Variants in GRIA2 observed in about 807,000 individuals in gnomAD.
GRIA2 encodes glutamate ionotropic receptor AMPA type subunit 2.
GRIA2 carries 14 observed loss-of-function variants against 97.3 expected under a neutral mutation model. The observed-to-expected ratio is 0.14, with a 90% CI of 0.10 to 0.23. The LOEUF (loss-of-function observed/expected upper bound fraction) is 0.23. Among genes scored for constraint, GRIA2 ranks in the 10% least tolerant of loss-of-function variants. The pLI, the probability that GRIA2 is intolerant of heterozygous loss-of-function variation, is 1.00. For missense variants in GRIA2, 558 were observed against 1,069.8 expected, an observed-to-expected ratio of 0.52 and a Z score of 6.67; for synonymous variants, 412 against 387.8, an observed-to-expected ratio of 1.06 and a Z score of -0.73.
At chr4:157,261,993 A>G (rs1191241208) in intron 2 of GRIA2, among the ~76,000 whole-genome samples, 1 of 152,032 alleles carries the variant, frequency 6.6e-6, no homozygotes, top group African/African-American at 2.4e-5. Context: ...GTTTTGATGA[A>G]TTGAAACCCC....
At chr4:157,336,277 T>A in intron 10 of GRIA2, 100 bp from the exon 11 acceptor site, 1 of 978,770 alleles carries the variant, frequency 1.0e-6, no homozygotes, top group Non-Finnish European at 1.5e-6. Context: ...ATTGTCATTT[T>A]TCTGATTTCC....
At chr4:157,239,398 T>C (rs938371563) in intron 2 of GRIA2, among the ~76,000 whole-genome samples, 10 of 152,048 alleles carry the variant, frequency 6.6e-5, no homozygotes, top group African/African-American at 2.2e-4. Context: ...TTCCCTCTGA[T>C]ATATCTGCAA....
chr4:157,248,891 G>A (rs1234045708), intron 2 of GRIA2, among the ~76,000 whole-genome samples: 3 of 151,000 alleles, frequency 2.0e-5, no homozygotes, highest in Admixed American at 2.0e-4. Context: ...AGACTGGAGT[G>A]CAGTGGGATG....
intron 2 of GRIA2, among the ~76,000 whole-genome samples, chr4:157,276,523 A>T (rs1732321383): frequency 6.6e-6 from 1 of 151,966 alleles, no homozygotes; most frequent in South Asian, 2.1e-4. Flanking sequence ...AAATAATAAT[A>T]AAAAATGGAG....
intron 2 of GRIA2, among the ~76,000 whole-genome samples, chr4:157,248,031 T>C (rs1466906914): frequency 1.3e-5 from 2 of 152,014 alleles, no homozygotes; most frequent in Non-Finnish European, 2.9e-5. Context: ...CCTTAACGTT[T>C]TGTACTCTGG....
intron 8 of GRIA2, 71 bp downstream of exon 8, chr4:157,333,424 C>G (rs560413752): frequency 1.5e-6 from 1 of 677,492 alleles, no homozygotes; most frequent in Admixed American, 2.9e-5. Flanking sequence ...GTTCACCCTT[C>G]CAGAGAATTC....
chr4:157,239,785 A>G (rs193153786), intron 2 of GRIA2, among the ~76,000 whole-genome samples: 3 of 152,142 alleles, frequency 2.0e-5, no homozygotes, highest in East Asian at 3.9e-4. Context: ...CTATTATTCA[A>G]TGCAGAGCCA....
At chr4:157,274,481 A>G (rs996659008) in intron 2 of GRIA2, among the ~76,000 whole-genome samples, 1 of 151,456 alleles carries the variant, frequency 6.6e-6, no homozygotes, top group Non-Finnish European at 1.5e-5. Context: ...CTTGTCATTT[A>G]GCATTAGGTG....
chr4:157,306,646 C>T (rs1440690399), intron 3 of GRIA2, among the ~76,000 whole-genome samples: 1 of 152,062 alleles, frequency 6.6e-6, no homozygotes, highest in African/African-American at 2.4e-5. Flanking sequence ...ATATGTAAGA[C>T]TCTCATAATA....
chr4:157,339,926 C>T (rs2126948568), intron 11 of GRIA2, among the ~76,000 whole-genome samples: 1 of 151,908 alleles, frequency 6.6e-6, no homozygotes, highest in African/African-American at 2.4e-5. Flanking sequence ...TCCATCCTTT[C>T]ATATTTATTT....
chr4:157,225,985 T>A (rs890661375), intron 2 of GRIA2, among the ~76,000 whole-genome samples: 2 of 151,998 alleles, frequency 1.3e-5, no homozygotes, highest in African/African-American at 4.8e-5. Context: ...AAAATAAAAC[T>A]GTGTAAAAGG....
intron 12 of GRIA2, chr4:157,342,570 A>C (rs1402889742): frequency 5.5e-5 from 20 of 362,906 alleles, no homozygotes; most frequent in Non-Finnish European, 6.5e-5. Flanking sequence ...ATTTCTTACT[A>C]ATGAAAATGT....
At chr4:157,236,140 C>G (rs1020046038) in intron 2 of GRIA2, among the ~76,000 whole-genome samples, 7 of 151,904 alleles carry the variant, frequency 4.6e-5, no homozygotes, top group Non-Finnish European at 7.4e-5. Context: ...CTTACAATAG[C>G]ATTTTGGTAC....
At chr4:157,341,782 A>G (rs1735561141) in intron 12 of GRIA2, among the ~76,000 whole-genome samples, 2 of 152,148 alleles carry the variant, frequency 1.3e-5, no homozygotes, top group Non-Finnish European at 2.9e-5. Flanking sequence ...TCAGCAAAAC[A>G]TCTTATTTTT....
intron 2 of GRIA2, among the ~76,000 whole-genome samples, chr4:157,248,983 G>C (rs899759489): frequency 6.6e-6 from 1 of 151,556 alleles, no homozygotes; most frequent in African/African-American, 2.4e-5. Flanking sequence ...GCCTATAGGC[G>C]TGCAACACCA....
intron 2 of GRIA2, among the ~76,000 whole-genome samples, chr4:157,281,083 C>T (rs79865981): frequency 0.019 from 2,963 of 151,998 alleles, 33 homozygotes; most frequent in Middle Eastern, 0.075. Context: ...TTCCATGCTC[C>T]CCTGTGTACA....
Position 157,361,254 on chromosome 4 carries a change from G to C in GRIA2, c.2406+130G>C. The C allele has an allele frequency of 1.4e-6, 1 of 692,458 alleles. No individual in the cohort carries two copies. Among genetic ancestry groups the C allele is most frequent in the Non-Finnish European group, 2.5e-6 (1 of 404,200 alleles). The allele number at this position is 692,458 out of a possible 1,614,324, so 42.9% of individuals were successfully genotyped here. On this transcript the variant is annotated intron_variant, in intron 14 of 15. Coordinates refer to ENST00000264426, the MANE Select transcript of GRIA2 (RefSeq NM_001083619.3). The surrounding 1 kb of genome is among the most constrained non-coding windows in gnomAD (Gnocchi z 5.2). ...CTGAAGAGTGCAATTGGATGACCAG[G>C]ACACTTGACTTCTTCTTTCTTTCTT...
chr4:157,359,974 G>T lies in GRIA2; in HGVS notation c.2122G>T (p.Ala708Ser), dbSNP rs780109207. ...AEPSVFVRTT[A>S]EGVARVRKSK... Reference sequence around the variant, plus strand: ...GCCCTCTGTGTTTGTGAGGACTACGGCCGAAGGGGTGGCTAGAGTGCGGAA... The same window carrying T: ...GCCCTCTGTGTTTGTGAGGACTACGTCCGAAGGGGTGGCTAGAGTGCGGAA... The change falls in exon 13 of 16, where the codon GCC becomes TCC. Residue 708 changes from alanine to serine, a missense_variant. Ala to Ser is a moderately conservative substitution (Grantham distance 99). This residue lies in a region of GRIA2 where 125 missense variants were observed against 310.2 expected (regional missense o/e 0.40). Coordinates refer to ENST00000264426, the MANE Select transcript of GRIA2 (RefSeq NM_001083619.3). 7 of 1,613,882 alleles carry T rather than the reference G, an allele frequency of 4.3e-6. No homozygotes were observed. Among genetic ancestry groups the T allele is most frequent in the Non-Finnish European group, 8.5e-7 (1 of 1,179,890 alleles).
upstream of GRIA2, chr4:157,220,340 C>T (rs1178444431): frequency 1.3e-5 from 2 of 152,218 alleles, no homozygotes; most frequent in Non-Finnish European, 2.9e-5. Context: ...GGAGCATCTC[C>T]GCAGCAGCTG....
Sources: gnomAD v4.1 joint callset for allele counts (sites outside exome capture counted in the v4.1 genomes callset) on GRCh38, gnomAD v4.1.1 for gene constraint, gnomAD v4.1.1 regional missense constraint, Gnocchi (gnomAD v3.1) non-coding constraint, MANE v1.5 for transcripts, NCBI Gene and HGNC (gene_info 2026-07-23, HGNC 2026-07-21) for gene names.